Variants in CA10 observed in about 807,000 individuals in gnomAD.
CA10 encodes the protein carbonic anhydrase 10 (inactive).
In CA10, 14 loss-of-function variants were observed where a neutral mutation model predicts 44.2. The ratio of observed to expected loss-of-function variants is 0.32; its 90% CI spans 0.21 to 0.50. The LOEUF is 0.50. CA10 is among the 20% of genes least tolerant of loss of function. The pLI is 0.99. For missense variants in CA10, 350 were observed against 409.7 expected (o/e 0.85, Z 1.26); for synonymous variants, 159 against 141.6 (o/e 1.12, Z -0.87).
intron 2 of CA10, among the ~76,000 whole-genome samples, chr17:51,950,335 T>C (rs567583064): frequency 6.6e-6 from 1 of 152,108 alleles, no homozygotes; most frequent in Non-Finnish European, 1.5e-5. Flanking sequence ...CCCTTCTCTG[T>C]CCTTTTCTGT....
chr17:51,684,601 A>T (rs1202072193), intron 4 of CA10, among the ~76,000 whole-genome samples: 1 of 152,186 alleles, frequency 6.6e-6, no homozygotes, highest in East Asian at 1.9e-4. Flanking sequence ...CTAAAAGAAC[A>T]TGTGGGAATG....
chr17:51,697,811 G>A (rs987860601), intron 4 of CA10, among the ~76,000 whole-genome samples: 1 of 152,160 alleles, frequency 6.6e-6, no homozygotes, highest in Non-Finnish European at 1.5e-5. Flanking sequence ...ACACATCTAA[G>A]GAATGTAGCT....
chr17:51,977,858 G>GA (rs1984515518), intron 2 of CA10, among the ~76,000 whole-genome samples: 2 of 151,864 alleles, frequency 1.3e-5, no homozygotes, highest in Admixed American at 6.6e-5. Flanking sequence ...ATCCAATCTA[G>GA]AAAAAAATTC....
chr17:51,650,792 G>A (rs1001498969), intron 5 of CA10, among the ~76,000 whole-genome samples: 1 of 152,318 alleles, frequency 6.6e-6, no homozygotes, highest in South Asian at 2.1e-4. Flanking sequence ...AGTCTGGTCA[G>A]CCCTTGCGTT....
At chr17:52,077,559 G>C (rs112476249) in intron 1 of CA10, among the ~76,000 whole-genome samples, 1 of 151,006 alleles carries the variant, frequency 6.6e-6, no homozygotes, top group East Asian at 1.9e-4. Context: ...GCCATAGTTT[G>C]CTCAGTTCTG....
chr17:51,775,383 A>G (rs1389170936), intron 3 of CA10, among the ~76,000 whole-genome samples: 1 of 152,114 alleles, frequency 6.6e-6, no homozygotes, highest in Non-Finnish European at 1.5e-5. Context: ...AGTTTTCATC[A>G]TCCATAAAGC....
chr17:51,821,685 A>G (rs1418616320), intron 3 of CA10, among the ~76,000 whole-genome samples: 2 of 151,988 alleles, frequency 1.3e-5, no homozygotes, highest in Non-Finnish European at 2.9e-5. Context: ...CACTCAGTGT[A>G]AAATCTGAAG....
At chr17:52,128,667 G>A (rs368975726) in intron 1 of CA10, among the ~76,000 whole-genome samples, 4 of 152,252 alleles carry the variant, frequency 2.6e-5, no homozygotes, top group South Asian at 4.2e-4. Context: ...GAATTAATTT[G>A]CCTTAATTGA....
intron 2 of CA10, among the ~76,000 whole-genome samples, chr17:51,937,682 C>T (rs1982920902): frequency 1.3e-5 from 2 of 152,138 alleles, no homozygotes; most frequent in Non-Finnish European, 2.9e-5. Flanking sequence ...AATGCTCCCA[C>T]TCTTCAGGAC....
chr17:51,691,883 T>C (rs189642401), intron 4 of CA10, among the ~76,000 whole-genome samples: 141 of 152,314 alleles, frequency 9.3e-4, no homozygotes, highest in Non-Finnish European at 1.3e-3. Flanking sequence ...CATATTGGCC[T>C]GAGTCACTTT....
intron 3 of CA10, among the ~76,000 whole-genome samples, chr17:51,906,191 C>G (rs1981542686): frequency 6.6e-6 from 1 of 152,058 alleles, no homozygotes; most frequent in South Asian, 2.1e-4. Flanking sequence ...TTTTGTGCTC[C>G]CTTTTATGTC....
intron 2 of CA10, among the ~76,000 whole-genome samples, chr17:52,052,306 A>ATTTTT (rs1987100384): frequency 6.2e-5 from 9 of 146,168 alleles, no homozygotes; most frequent in African/African-American, 1.8e-4. Context: ...TTTTAAAAAA[A>ATTTTT]AAAAAAAAAA....
intron 6 of CA10, among the ~76,000 whole-genome samples, chr17:51,642,369 G>A (rs1913123748): frequency 6.6e-6 from 1 of 152,202 alleles, no homozygotes; most frequent in African/African-American, 2.4e-5. Context: ...TCTGAGGAGC[G>A]GCGCATAAAA....
intron 3 of CA10, among the ~76,000 whole-genome samples, chr17:51,835,731 T>C (rs890359042): frequency 1.3e-5 from 2 of 152,238 alleles, no homozygotes; most frequent in Non-Finnish European, 2.9e-5. Flanking sequence ...AAGTACTTTA[T>C]GTGTTTTATA....
At chr17:51,674,714 G>T (rs1309758135) in intron 4 of CA10, among the ~76,000 whole-genome samples, 1 of 152,092 alleles carries the variant, frequency 6.6e-6, no homozygotes, top group Admixed American at 6.6e-5. Context: ...TAAATCTGGG[G>T]GGACCACCTC....
At chr17:51,893,979 G>T (rs888048052) in intron 3 of CA10, among the ~76,000 whole-genome samples, 3 of 152,110 alleles carry the variant, frequency 2.0e-5, no homozygotes, top group Non-Finnish European at 4.4e-5. Context: ...GACTATGCAT[G>T]TCTCCAACCT....
chr17:51,908,669 C>T (rs577486951), intron 3 of CA10, among the ~76,000 whole-genome samples: 1 of 152,240 alleles, frequency 6.6e-6, no homozygotes, highest in South Asian at 2.1e-4. Flanking sequence ...AGTATACTGA[C>T]CACATTCATT....
chr17:51,688,917 G>T lies in CA10; in HGVS notation c.466-35181C>A, dbSNP rs534216125. The stretch of plus-strand genomic sequence containing the variant: ...TGGCTGTTATTACAGGCCAGGTGTT[G>T]TCCTAACACTTGTATATATTGACTC... On this transcript the variant is annotated intron_variant, in intron 4 of 8. Coordinates refer to ENST00000451037, the MANE Select transcript of CA10 (RefSeq NM_020178.5). Among the ~76,000 whole-genome samples the T allele has an allele frequency of 3.0e-4, 45 of 152,176 alleles. 1 individual carries two copies. The highest frequency in any genetic ancestry group is 3.2e-4 in the Non-Finnish European group (22 of 68,036).
intron 3 of CA10, among the ~76,000 whole-genome samples, chr17:51,885,512 T>A (rs1200292694): frequency 6.6e-6 from 1 of 152,218 alleles, no homozygotes; most frequent in Non-Finnish European, 1.5e-5. Context: ...ACAACACATA[T>A]TTCTCTGTTA....
Sources: gnomAD v4.1 joint callset for allele counts (sites outside exome capture counted in the v4.1 genomes callset) on GRCh38, gnomAD v4.1.1 for gene constraint, MANE v1.5 for transcripts, NCBI Gene and HGNC (gene_info 2026-07-23, HGNC 2026-07-21) for gene names.